Variants in UBE2G2 observed in about 807,000 individuals in gnomAD.
The protein encoded by UBE2G2 is ubiquitin conjugating enzyme E2 G2.
A neutral mutation model predicts 23.0 loss-of-function variants in UBE2G2; 10 were observed. That is an observed-to-expected ratio of 0.43 (90% CI 0.27 to 0.74). The LOEUF is 0.74. Ranked by LOEUF, UBE2G2 falls within the 30% of genes least tolerant of loss-of-function variation. The pLI, the probability that UBE2G2 is intolerant of heterozygous loss-of-function variation, is 0.19. For missense variants in UBE2G2, 150 were observed against 218.3 expected (o/e 0.69, Z 1.97); for synonymous variants, 86 against 81.3 (o/e 1.06, Z -0.31).
intron 3 of UBE2G2, among the ~76,000 whole-genome samples, chr21:44,781,416 C>G (rs1457130960): frequency 6.6e-6 from 1 of 152,180 alleles, no homozygotes; most frequent in Non-Finnish European, 1.5e-5. Context: ...GTTCCCACCC[C>G]ACTAATGCCC....
intron 3 of UBE2G2, among the ~76,000 whole-genome samples, chr21:44,784,336 G>C (rs1555961700): frequency 6.6e-6 from 1 of 152,068 alleles, no homozygotes; most frequent in Non-Finnish European, 1.5e-5. Flanking sequence ...AATTCCACCT[G>C]AACTGTTTTA....
intron 1 of UBE2G2, among the ~76,000 whole-genome samples, chr21:44,795,571 GC>G (rs1306574507): frequency 6.6e-6 from 1 of 151,920 alleles, no homozygotes; most frequent in Non-Finnish European, 1.5e-5. Context: ...GGCAGAGGCT[GC>G]CATGAGCCAT....
chr21:44,770,756 A>G lies in UBE2G2; in HGVS notation c.*621T>C, dbSNP rs1466730327. 1 of 152,236 alleles carries G rather than the reference A, an allele frequency of 6.6e-6. No homozygotes were observed. Among genetic ancestry groups the G allele is most frequent in the Admixed American group, 6.5e-5 (1 of 15,282 alleles). 9.4% of individuals were successfully genotyped at this position (152,236 alleles called of 1,614,324 possible). A position where few individuals can be genotyped will look rare whatever the true frequency, so the allele number is the denominator to read the frequency against. On this transcript the variant is annotated 3_prime_UTR_variant, in exon 6 of 6. Coordinates refer to ENST00000345496, the MANE Select transcript of UBE2G2 (RefSeq NM_003343.6). Reference sequence around the variant, plus strand: ...TTCTTTTCTATTTACCCCATTTCTTATTAATTCACACTTCAAAAAAGCATT... The same window carrying G: ...TTCTTTTCTATTTACCCCATTTCTTGTTAATTCACACTTCAAAAAAGCATT...
chr21:44,792,040 C>T (rs553564148), intron 1 of UBE2G2, among the ~76,000 whole-genome samples: 125 of 152,308 alleles, frequency 8.2e-4, no homozygotes, highest in Middle Eastern at 6.8e-3. Flanking sequence ...GCCTGTAGCC[C>T]TTTGTTTTGG....
intron 1 of UBE2G2, among the ~76,000 whole-genome samples, chr21:44,795,277 A>AAAAT (rs1237054438): frequency 6.6e-6 from 1 of 152,086 alleles, no homozygotes; most frequent in Non-Finnish European, 1.5e-5. Flanking sequence ...AAAATAAAAA[A>AAAAT]AAATAAATAA....
At position 44,777,433 on chromosome 21, in the gene UBE2G2, T is replaced by C; in HGVS notation, c.126-16A>G. On this transcript the variant is annotated splice_polypyrimidine_tract_variant and intron_variant, in intron 3 of 5. Transcript: ENST00000345496. ...TTCTGGGCCCCTAGAAGATATAAAATACGTAGACTGAACTTCAAAGTACAT... is the reference window on the plus strand; with the variant it reads ...TTCTGGGCCCCTAGAAGATATAAAACACGTAGACTGAACTTCAAAGTACAT... The C allele has an allele frequency of 2.5e-6, 4 of 1,609,762 alleles. No homozygotes were observed. Among genetic ancestry groups the C allele is most frequent in the Non-Finnish European group, 3.4e-6 (4 of 1,176,256 alleles).
rs185788024 is a variant in UBE2G2, at chr21:44,771,415, T to G, written c.460A>C (p.Ile154Leu). ...GACTTCTGGACGATCTGCTTGGCAA[T>G]CTTATAGAACTGCTCCCGGTCATCG... ...WRDDREQFYK[I>L]AKQIVQKSLG... is the part of the protein sequence containing the mutation. Residue 154 changes from isoleucine to leucine, a missense_variant, in exon 6 of 6, where the codon ATT becomes CTT. Physicochemically the swap from Ile to Leu is conservative, Grantham distance 5. Transcript: ENST00000345496. The surrounding 1 kb of genome is among the most constrained non-coding windows in gnomAD (Gnocchi z 4.6). 3.1e-6 allele frequency: 5 copies of G among 1,613,110 alleles called. No individual in the cohort carries two copies. Among genetic ancestry groups the G allele is most frequent in the Non-Finnish European group, 3.4e-6 (4 of 1,180,030 alleles).
intron 3 of UBE2G2, among the ~76,000 whole-genome samples, chr21:44,778,892 G>A (rs1338278160): frequency 6.6e-6 from 1 of 152,190 alleles, no homozygotes; most frequent in Non-Finnish European, 1.5e-5. Flanking sequence ...GCAGAGGACA[G>A]TCCACACCAG....
rs2146377545 is a variant in UBE2G2 at position 44,768,882 on chromosome 21, G to C, written c.*2495C>G. On this transcript the variant is annotated 3_prime_UTR_variant, in exon 6 of 6. Coordinates refer to ENST00000345496, the MANE Select transcript of UBE2G2 (RefSeq NM_003343.6). ...GAATTCCAGAGGAAGACCACAGAAT[G>C]ACAGAAGGGAGATCAGAAACAGAAG... is the stretch of plus-strand genomic sequence containing the variant. 1 of 152,378 alleles carries C rather than the reference G, an allele frequency of 6.6e-6. No individual in the cohort carries two copies. The highest frequency in any genetic ancestry group is 1.9e-4 in the East Asian group (1 of 5,182). 9.4% of individuals were successfully genotyped at this position (152,378 alleles called of 1,614,324 possible). A position where few individuals can be genotyped will look rare whatever the true frequency, so the allele number is the denominator to read the frequency against.
chr21:44,796,606 A>G (rs1555963842), intron 1 of UBE2G2, among the ~76,000 whole-genome samples: 1 of 152,226 alleles, frequency 6.6e-6, no homozygotes, highest in African/African-American at 2.4e-5. Flanking sequence ...CCCCTCAATA[A>G]CACACTGTAT....
chr21:44,793,321 T>G (rs1337297817), intron 1 of UBE2G2, among the ~76,000 whole-genome samples: 4 of 152,228 alleles, frequency 2.6e-5, no homozygotes, highest in Non-Finnish European at 4.4e-5. Context: ...GAGAGCTGGC[T>G]TTATTCTTCA....
chr21:44,785,386 C>T (rs2082988259), intron 3 of UBE2G2, among the ~76,000 whole-genome samples: 1 of 152,236 alleles, frequency 6.6e-6, no homozygotes, highest in Non-Finnish European at 1.5e-5. Context: ...TATTCTCCAT[C>T]CTAATCCCTC....
At chr21:44,792,616 CTTTAT>C (rs1184671791) in intron 1 of UBE2G2, among the ~76,000 whole-genome samples, 1 of 152,202 alleles carries the variant, frequency 6.6e-6, no homozygotes, top group Non-Finnish European at 1.5e-5. Context: ...AACCTCTTTC[CTTTAT>C]AATTACCCAG....
chr21:44,771,503 G>T lies in UBE2G2; in HGVS notation c.386-14C>A. On this transcript the variant is annotated splice_polypyrimidine_tract_variant and intron_variant, in intron 5 of 5. Coordinates refer to ENST00000345496, the MANE Select transcript of UBE2G2 (RefSeq NM_003343.6). This position sits in a 1 kb window ranked among gnomAD's most constrained non-coding sequence, Gnocchi z 4.6. ...CGTCATTGGGCTCTGAAAGAAAAGGGAACACCCTCCATGTAAAAGGGAGTC... is the reference window on the plus strand; with the variant it reads ...CGTCATTGGGCTCTGAAAGAAAAGGTAACACCCTCCATGTAAAAGGGAGTC... The T allele has an allele frequency of 6.2e-7, 1 of 1,608,488 alleles. No homozygotes were observed.
At chr21:44,784,813 A>G (rs1219154448) in intron 3 of UBE2G2, among the ~76,000 whole-genome samples, 1 of 152,156 alleles carries the variant, frequency 6.6e-6, no homozygotes, top group Non-Finnish European at 1.5e-5. Flanking sequence ...CAGCCTCTAG[A>G]ACCACTGGTC....
chr21:44,782,931 C>A (rs1442303591), intron 3 of UBE2G2, among the ~76,000 whole-genome samples: 20 of 152,278 alleles, frequency 1.3e-4, no homozygotes, highest in East Asian at 7.7e-4. Flanking sequence ...CAAAATCACA[C>A]TTCATCAAAA....
chr21:44,771,577 C>T lies in UBE2G2; in HGVS notation c.386-88G>A, dbSNP rs1220693971. On this transcript the variant is annotated intron_variant, in intron 5 of 5. Transcript: ENST00000345496. This position sits in a 1 kb window ranked among gnomAD's most constrained non-coding sequence, Gnocchi z 4.6. ...GTCTCCCATTTATTTAAAACACTGG[C>T]GGGGGCTTTCAAGAGCTGTGTCCCA... The T allele has an allele frequency of 1.9e-5, 26 of 1,362,938 alleles. No individual in the cohort carries two copies. The highest frequency in any genetic ancestry group is 6.0e-5 in the South Asian group (5 of 83,774). 84.4% of individuals were successfully genotyped at this position (1,362,938 alleles called of 1,614,324 possible). A position where few individuals can be genotyped will look rare whatever the true frequency, so the allele number is the denominator to read the frequency against.
At position 44,772,227 on chromosome 21, in the gene UBE2G2, G is replaced by C. The variant is rs2082879981; in HGVS notation, c.386-738C>G. Among the ~76,000 whole-genome samples, 1 of 152,088 alleles carries C rather than the reference G, an allele frequency of 6.6e-6. No homozygotes were observed. Among genetic ancestry groups the C allele is most frequent in the Admixed American group, 6.5e-5 (1 of 15,276 alleles). ...GATAAAACCCACAGCTGACATCTGA[G>C]GACAGCCTGAGCCACTGCCTCCCTC... On this transcript the variant is annotated intron_variant, in intron 5 of 5. Transcript: ENST00000345496. This position sits in a 1 kb window ranked among gnomAD's most constrained non-coding sequence, Gnocchi z 5.4.
intron 1 of UBE2G2, among the ~76,000 whole-genome samples, chr21:44,796,527 C>A (rs908193798): frequency 1.2e-4 from 18 of 152,160 alleles, no homozygotes; most frequent in East Asian, 7.7e-4. Context: ...ACAAAAAAAA[C>A]CAGTAAATGA....
Sources: gnomAD v4.1 joint callset for allele counts (sites outside exome capture counted in the v4.1 genomes callset) on GRCh38, gnomAD v4.1.1 for gene constraint, Gnocchi (gnomAD v3.1) non-coding constraint, MANE v1.5 for transcripts, NCBI Gene and HGNC (gene_info 2026-07-23, HGNC 2026-07-21) for gene names.